The following ARMH3 variants were observed in gnomAD, a reference collection of about 807,000 sequenced individuals.
ARMH3 encodes the protein armadillo-like helical domain-containing protein 3.
Under a neutral mutation model 99.1 loss-of-function variants are expected in ARMH3, and 60 were observed. The observed-to-expected ratio is 0.61, with a 90% CI of 0.49 to 0.75. The LOEUF is 0.75. Among genes scored for constraint, ARMH3 ranks in the 30% least tolerant of loss-of-function variants. The pLI is 0.00. For missense variants in ARMH3, 679 were observed against 843.1 expected (o/e 0.81, Z 2.41); for synonymous variants, 285 against 292.8 (o/e 0.97, Z 0.27).
chr10:101,851,174 G>T (rs1380380605), intron 24 of ARMH3, among the ~76,000 whole-genome samples: 1 of 152,152 alleles, frequency 6.6e-6, no homozygotes, highest in South Asian at 2.1e-4. Flanking sequence ...GATTTTCTAT[G>T]CGGGGAGGAT....
chr10:101,983,234 A>G (rs1427771526), intron 19 of ARMH3, among the ~76,000 whole-genome samples: 2 of 152,190 alleles, frequency 1.3e-5, no homozygotes, highest in Non-Finnish European at 2.9e-5. Flanking sequence ...CAGGGAGAGA[A>G]GAGGGGCTGA....
intron 23 of ARMH3, among the ~76,000 whole-genome samples, chr10:101,903,000 T>G (rs1471787898): frequency 6.6e-6 from 1 of 152,210 alleles, no homozygotes; most frequent in Non-Finnish European, 1.5e-5. Context: ...AATTGTTTTA[T>G]GCTCACAAAG....
chr10:102,031,334 C>T (rs1322793707), intron 4 of ARMH3, among the ~76,000 whole-genome samples: 1 of 152,018 alleles, frequency 6.6e-6, no homozygotes, highest in African/African-American at 2.4e-5. Context: ...GTACTTAGTC[C>T]CTGGAACTCT....
At chr10:101,982,311 G>A (rs545434781) in intron 19 of ARMH3, among the ~76,000 whole-genome samples, 11 of 152,092 alleles carry the variant, frequency 7.2e-5, no homozygotes, top group Admixed American at 3.3e-4. Context: ...GCTTGAACCC[G>A]GGAGGCGGAG....
intron 15 of ARMH3, among the ~76,000 whole-genome samples, chr10:102,000,828 T>A (rs1273515822): frequency 1.3e-5 from 2 of 151,872 alleles, no homozygotes; most frequent in Non-Finnish European, 2.9e-5. Context: ...TTTGTTGTTT[T>A]TTTTTTGAGA....
chr10:101,905,843 C>A (rs1295324016), intron 23 of ARMH3, among the ~76,000 whole-genome samples: 1 of 152,192 alleles, frequency 6.6e-6, no homozygotes, highest in Non-Finnish European at 1.5e-5. Flanking sequence ...GCTTATATAC[C>A]TACCATCTAA....
intron 24 of ARMH3, among the ~76,000 whole-genome samples, chr10:101,858,787 A>G (rs2066792177): frequency 6.6e-6 from 1 of 152,134 alleles, no homozygotes; most frequent in Non-Finnish European, 1.5e-5. Context: ...CCTCACTGAA[A>G]TCTCTCATAG....
rs866695648 is a variant in ARMH3 at position 102,025,155 on chromosome 10, C to T, written c.507+1G>A. The T allele has an allele frequency of 2.5e-6, 4 of 1,610,232 alleles. No homozygotes were observed. Among genetic ancestry groups the T allele is most frequent in the Admixed American group, 1.7e-5 (1 of 59,980 alleles). ...ACCCTTGACAAACATAGGTCACTTA[C>T]GGTCACTAAGCAAAGGAGAAGTTTC... On this transcript the variant is annotated splice_donor_variant, in intron 6 of 25. Transcript: ENST00000370033. LOFTEE classifies it high-confidence loss of function.
chr10:102,040,154 A>G, intron 1 of ARMH3, 29 bp from the exon 2 acceptor site: 2 of 1,551,974 alleles, frequency 1.3e-6, no homozygotes, highest in Non-Finnish European at 1.8e-6. Flanking sequence ...ATTTTAGAAT[A>G]GTGAAAATAC....
intron 23 of ARMH3, among the ~76,000 whole-genome samples, chr10:101,937,118 A>G (rs576681289): frequency 6.6e-6 from 1 of 152,330 alleles, no homozygotes; most frequent in Non-Finnish European, 1.5e-5. Context: ...TCAATACATC[A>G]TGGTGAGTTT....
intron 8 of ARMH3, among the ~76,000 whole-genome samples, chr10:102,017,751 G>A (rs2066781714): frequency 6.6e-6 from 1 of 152,168 alleles, no homozygotes; most frequent in African/African-American, 2.4e-5. Flanking sequence ...TTTATTAGGA[G>A]CTCTACCCAC....
intron 24 of ARMH3, among the ~76,000 whole-genome samples, chr10:101,856,737 T>G (rs1298950923): frequency 2.0e-5 from 3 of 152,180 alleles, no homozygotes; most frequent in African/African-American, 7.2e-5. Flanking sequence ...CTAGAGAATA[T>G]GATTTTTTGA....
At chr10:101,939,138 G>A (rs150373254) in intron 23 of ARMH3, among the ~76,000 whole-genome samples, 2,140 of 152,266 alleles carry the variant, frequency 0.014, 28 homozygotes, top group Admixed American at 0.05. Context: ...CATCTGTTGG[G>A]TTTGCCTCTT....
intron 22 of ARMH3, among the ~76,000 whole-genome samples, chr10:101,942,077 T>C (rs1041129247): frequency 1.3e-5 from 2 of 152,222 alleles, no homozygotes; most frequent in African/African-American, 2.4e-5. Context: ...ACCTCATCAC[T>C]ACATTTCCTT....
chr10:102,049,954 C>G (rs2067655619), intron 1 of ARMH3, among the ~76,000 whole-genome samples: 1 of 152,146 alleles, frequency 6.6e-6, no homozygotes, highest in Non-Finnish European at 1.5e-5. Context: ...GCGCTTCTCC[C>G]TATCAGAATG....
At chr10:101,859,862 CT>C (rs2066822055) in intron 24 of ARMH3, among the ~76,000 whole-genome samples, 1 of 152,146 alleles carries the variant, frequency 6.6e-6, no homozygotes, top group Admixed American at 6.6e-5. Context: ...TGTTAAATTC[CT>C]TTAAATGCTA....
intron 23 of ARMH3, among the ~76,000 whole-genome samples, chr10:101,916,371 C>A (rs1283081492): frequency 6.6e-6 from 1 of 151,994 alleles, no homozygotes; most frequent in African/African-American, 2.4e-5. Context: ...CCACCCCCAT[C>A]CCAGCTCCCA....
intron 25 of ARMH3, 123 bp from the exon 26 acceptor site, chr10:101,847,743 A>C: frequency 1.2e-6 from 1 of 842,084 alleles, no homozygotes. Context: ...TCTCTTAGGA[A>C]ATGAACCCTT....
chr10:101,937,179 C>A (rs1459549686), intron 23 of ARMH3, among the ~76,000 whole-genome samples: 1 of 152,116 alleles, frequency 6.6e-6, no homozygotes, highest in Non-Finnish European at 1.5e-5. Context: ...CAGAAGGAGG[C>A]ATTATGGTTT....
Sources: gnomAD v4.1 joint callset for allele counts (sites outside exome capture counted in the v4.1 genomes callset) on GRCh38, gnomAD v4.1.1 for gene constraint, MANE v1.5 for transcripts, NCBI Gene and HGNC (gene_info 2026-07-23, HGNC 2026-07-21) for gene names.